ZMAT4: variants seen among roughly 807,000 people sequenced by gnomAD.
The protein encoded by ZMAT4 is zinc finger matrin-type 4, also known as zinc finger matrin-type protein 4.
In ZMAT4, 17 loss-of-function variants were observed where a neutral mutation model predicts 28.7. The observed-to-expected ratio is 0.59, with a 90% CI of 0.41 to 0.89. ZMAT4 has a LOEUF of 0.89. Among genes scored for constraint, ZMAT4 ranks in the 40% least tolerant of loss-of-function variants. The pLI, the probability that ZMAT4 is intolerant of heterozygous loss-of-function variation, is 0.00. For missense variants in ZMAT4, 240 were observed against 283.8 expected, an observed-to-expected ratio of 0.85 and a Z score of 1.11; for synonymous variants, 117 against 109.2, an observed-to-expected ratio of 1.07 and a Z score of -0.44.
intron 1 of ZMAT4, among the ~76,000 whole-genome samples, chr8:40,869,259 G>C (rs1240663346): frequency 6.6e-6 from 1 of 152,108 alleles, no homozygotes; most frequent in Admixed American, 6.6e-5. Context: ...ACCACCTCGA[G>C]TCTGCATAAC....
At chr8:40,667,411 C>T (rs937945987) in intron 5 of ZMAT4, among the ~76,000 whole-genome samples, 2 of 152,308 alleles carry the variant, frequency 1.3e-5, no homozygotes, top group East Asian at 1.9e-4. Context: ...ACCTTGGCCT[C>T]CCAAAGTGCT....
At chr8:40,607,565 C>G (rs1291110500) in intron 5 of ZMAT4, among the ~76,000 whole-genome samples, 4 of 151,890 alleles carry the variant, frequency 2.6e-5, no homozygotes, top group Non-Finnish European at 5.9e-5. Flanking sequence ...TGGCTTGGAT[C>G]CAAGCCAAAT....
At chr8:40,645,909 A>C (rs995890863) in intron 5 of ZMAT4, among the ~76,000 whole-genome samples, 2 of 152,112 alleles carry the variant, frequency 1.3e-5, no homozygotes, top group African/African-American at 4.8e-5. Context: ...TAATACAACA[A>C]AGTGATACAC....
At chr8:40,685,720 G>A (rs1390451475) in intron 4 of ZMAT4, among the ~76,000 whole-genome samples, 1 of 152,086 alleles carries the variant, frequency 6.6e-6, no homozygotes, top group African/African-American at 2.4e-5. Flanking sequence ...CTAGGCAGCT[G>A]ATTAAAGAAG....
intron 5 of ZMAT4, among the ~76,000 whole-genome samples, chr8:40,620,402 A>G (rs1029047485): frequency 4.6e-5 from 7 of 152,232 alleles, no homozygotes; most frequent in Non-Finnish European, 8.8e-5. Flanking sequence ...GGATAAGGAC[A>G]CAGTGAGATC....
chr8:40,567,751 G>A (rs1803967170), intron 6 of ZMAT4, among the ~76,000 whole-genome samples: 2 of 150,684 alleles, frequency 1.3e-5, no homozygotes, highest in Admixed American at 6.6e-5. Context: ...TCTTTAAAAT[G>A]TTTATCACTA....
chr8:40,608,932 C>T (rs1159690658), intron 5 of ZMAT4, among the ~76,000 whole-genome samples: 4 of 152,170 alleles, frequency 2.6e-5, no homozygotes, highest in African/African-American at 4.8e-5. Context: ...ACAGCTGTCT[C>T]ACAGTGGCAA....
At chr8:40,638,051 C>T (rs118185972) in intron 5 of ZMAT4, among the ~76,000 whole-genome samples, 1,855 of 152,024 alleles carry the variant, frequency 0.012, 14 homozygotes, top group Middle Eastern at 0.068. Context: ...TATCAGAGGT[C>T]GAAGCAAGAT....
intron 2 of ZMAT4, among the ~76,000 whole-genome samples, chr8:40,819,771 C>T (rs896071445): frequency 1.3e-5 from 2 of 152,032 alleles, no homozygotes; most frequent in African/African-American, 4.8e-5. Context: ...GAGTTCTTCC[C>T]GCTCTCTTAG....
At chr8:40,689,739 T>C (rs1289510039) in intron 4 of ZMAT4, among the ~76,000 whole-genome samples, 1 of 151,990 alleles carries the variant, frequency 6.6e-6, no homozygotes, top group Non-Finnish European at 1.5e-5. Flanking sequence ...GCGTATGGAT[T>C]TCAAGTCCTG....
intron 5 of ZMAT4, among the ~76,000 whole-genome samples, chr8:40,655,996 A>G (rs1308634338): frequency 6.6e-6 from 1 of 152,146 alleles, no homozygotes; most frequent in East Asian, 1.9e-4. Context: ...TTCAAATGCT[A>G]TGGTTAAATT....
intron 2 of ZMAT4, among the ~76,000 whole-genome samples, chr8:40,795,121 C>T (rs1197014793): frequency 6.6e-6 from 1 of 152,126 alleles, no homozygotes; most frequent in African/African-American, 2.4e-5. Flanking sequence ...TATAACTCCC[C>T]AGACCCTAGT....
At chr8:40,893,390 A>G (rs1774655878) in intron 1 of ZMAT4, among the ~76,000 whole-genome samples, 1 of 152,190 alleles carries the variant, frequency 6.6e-6, no homozygotes. Flanking sequence ...CTCTGGCTCT[A>G]TATCTAAGGG....
intron 1 of ZMAT4, among the ~76,000 whole-genome samples, chr8:40,887,640 C>T (rs576783757): frequency 1.6e-3 from 247 of 152,306 alleles, no homozygotes; most frequent in African/African-American, 5.7e-3. Flanking sequence ...CCCTCCCAGT[C>T]TTCCTTTCTC....
chr8:40,698,622 T>C (rs1809997281), intron 3 of ZMAT4, among the ~76,000 whole-genome samples: 1 of 152,216 alleles, frequency 6.6e-6, no homozygotes, highest in Admixed American at 6.5e-5. Context: ...GGAAGGGAAT[T>C]ACATATTTTA....
At chr8:40,576,671 A>G (rs1804277157) in intron 6 of ZMAT4, among the ~76,000 whole-genome samples, 1 of 152,224 alleles carries the variant, frequency 6.6e-6, no homozygotes, top group South Asian at 2.1e-4. Flanking sequence ...AGGAAGTCCT[A>G]CATCTAGAAA....
intron 5 of ZMAT4, among the ~76,000 whole-genome samples, chr8:40,658,322 G>C (rs1808019607): frequency 1.3e-5 from 2 of 152,088 alleles, no homozygotes; most frequent in South Asian, 4.1e-4. Flanking sequence ...GACTGCATCT[G>C]AATATTATGA....
chr8:40,863,212 C>T (rs2150646673), intron 1 of ZMAT4, among the ~76,000 whole-genome samples: 1 of 151,772 alleles, frequency 6.6e-6, no homozygotes, highest in Middle Eastern at 3.4e-3. Flanking sequence ...CTCAGAAGAG[C>T]TTTAAGTAGG....
intron 3 of ZMAT4, among the ~76,000 whole-genome samples, chr8:40,746,648 C>A (rs1812250973): frequency 6.6e-6 from 1 of 152,096 alleles, no homozygotes; most frequent in African/African-American, 2.4e-5. Context: ...AGCCACCATG[C>A]CCGGCCCAGT....
Sources: gnomAD v4.1 joint callset for allele counts (sites outside exome capture counted in the v4.1 genomes callset) on GRCh38, gnomAD v4.1.1 for gene constraint, MANE v1.5 for transcripts, NCBI Gene and HGNC (gene_info 2026-07-23, HGNC 2026-07-21) for gene names.